U2SURP: variants seen among roughly 807,000 people sequenced by gnomAD.
U2SURP encodes the protein U2 snRNP associated SURP domain containing.
Under a neutral mutation model 144.9 loss-of-function variants are expected in U2SURP, and 9 were observed. The ratio of observed to expected loss-of-function variants is 0.06; its 90% CI spans 0.04 to 0.11. The LOEUF is 0.11. Among genes scored for constraint, U2SURP ranks in the 10% least tolerant of loss-of-function variants. The pLI is 1.00. For missense variants in U2SURP, 724 were observed against 1,226.7 expected, an observed-to-expected ratio of 0.59 and a Z score of 6.12; for synonymous variants, 408 against 396.8, an observed-to-expected ratio of 1.03 and a Z score of -0.33.
chr3:143,042,970 C>T, intron 23 of U2SURP, 147 bp from the exon 24 acceptor site: 1 of 676,256 alleles, frequency 1.5e-6, no homozygotes, highest in Non-Finnish European at 2.3e-6. Context: ...AAATATTTTG[C>T]AAAATATGCT....
intron 16 of U2SURP, 129 bp downstream of exon 16, chr3:143,028,775 A>G (rs1933306656): frequency 2.8e-6 from 2 of 721,670 alleles, no homozygotes; most frequent in Non-Finnish European, 4.4e-6. Flanking sequence ...AAATAGTAAC[A>G]TCTTTCATCA....
chr3:143,037,416 GA>G, intron 21 of U2SURP, 81 bp downstream of exon 21: 3 of 1,329,552 alleles, frequency 2.3e-6, no homozygotes, highest in South Asian at 1.4e-5. Context: ...TGCTGATATG[GA>G]AAAAGGTTAT....
intron 23 of U2SURP, among the ~76,000 whole-genome samples, chr3:143,041,831 G>A (rs1409915607): frequency 6.6e-6 from 1 of 152,008 alleles, no homozygotes; most frequent in Non-Finnish European, 1.5e-5. Flanking sequence ...AGGCAAAACA[G>A]CGTTTGTTCT....
intron 1 of U2SURP, among the ~76,000 whole-genome samples, chr3:143,009,357 A>G (rs1210132433): frequency 2.0e-5 from 3 of 152,000 alleles, no homozygotes; most frequent in African/African-American, 4.8e-5. Context: ...TAGCACTTTC[A>G]GAGGCTGAGG....
intron 2 of U2SURP, among the ~76,000 whole-genome samples, 155 bp downstream of exon 2, chr3:143,011,014 T>C (rs986359524): frequency 3.9e-5 from 6 of 152,082 alleles, no homozygotes; most frequent in African/African-American, 1.4e-4. Context: ...CTTTTTTTTT[T>C]TTATGTTCTG....
At chr3:143,055,982 G>T (rs1360606586) in intron 27 of U2SURP, among the ~76,000 whole-genome samples, 1 of 152,048 alleles carries the variant, frequency 6.6e-6, no homozygotes. Context: ...TTCAAATTTG[G>T]GGGTTATCAG....
chr3:143,051,375 T>G (rs1254471350), intron 25 of U2SURP, among the ~76,000 whole-genome samples: 1 of 151,388 alleles, frequency 6.6e-6, no homozygotes, highest in Non-Finnish European at 1.5e-5. Flanking sequence ...CCCTGAGAGG[T>G]AGTACAGAAA....
chr3:143,038,805 T>C (rs890723655), intron 22 of U2SURP, 89 bp from the exon 23 acceptor site: 4 of 961,302 alleles, frequency 4.2e-6, no homozygotes, highest in Admixed American at 7.6e-5. Flanking sequence ...ATATAAACTT[T>C]TCAATTCTAA....
chr3:143,025,746 C>T (rs1000611412), intron 13 of U2SURP: 2 of 151,968 alleles, frequency 1.3e-5, no homozygotes, highest in Admixed American at 1.3e-4. Flanking sequence ...GCATGATTTC[C>T]CCTTTGTAAA....
chr3:143,021,651 A>G, intron 10 of U2SURP, 96 bp downstream of exon 10: 1 of 1,184,474 alleles, frequency 8.4e-7, no homozygotes, highest in Non-Finnish European at 1.2e-6. Context: ...AAGCTGACAA[A>G]TCTGATGGAA....
chr3:143,021,614 T>C, intron 10 of U2SURP, 59 bp downstream of exon 10: 1 of 1,487,032 alleles, frequency 6.7e-7, no homozygotes, highest in Non-Finnish European at 9.2e-7. Flanking sequence ...AAGAAAGCTT[T>C]GTTAGTCAAA....
At position 143,037,340 on chromosome 3, in the gene U2SURP, GT is replaced by G. The variant is rs745805640; in HGVS notation, c.2221+7del. 37 of 1,610,180 alleles carry G rather than the reference GT, an allele frequency of 2.3e-5. No homozygotes were observed. The highest frequency in any genetic ancestry group is 3.1e-5 in the Non-Finnish European group (36 of 1,178,072). On this transcript the variant is annotated splice_donor_region_variant and intron_variant, in intron 21 of 27. Coordinates refer to ENST00000473835, the MANE Select transcript of U2SURP (RefSeq NM_001080415.2). ...ATGATCTTGATGGAGTGCCTTGTAA[GT>G]TCAGATTTCAAACTGATTAAATCTA...
At chr3:143,003,646 C>T (rs1258796755) in intron 1 of U2SURP, among the ~76,000 whole-genome samples, 1 of 150,252 alleles carries the variant, frequency 6.7e-6, no homozygotes, top group Non-Finnish European at 1.5e-5. Flanking sequence ...ATAATGACTG[C>T]CCAGATAGCT....
At chr3:143,053,165 G>T (rs1934974552) in intron 25 of U2SURP, among the ~76,000 whole-genome samples, 1 of 151,974 alleles carries the variant, frequency 6.6e-6, no homozygotes, top group African/African-American at 2.4e-5. Context: ...CACTTTTACT[G>T]ACTATTTTAT....
intron 6 of U2SURP, among the ~76,000 whole-genome samples, chr3:143,018,782 G>A (rs1014351966): frequency 6.6e-6 from 1 of 152,036 alleles, no homozygotes; most frequent in African/African-American, 2.4e-5. Context: ...AAAATTAGCC[G>A]GGCATGGTGG....
chr3:143,031,245 T>G (rs1044646317), intron 16 of U2SURP, among the ~76,000 whole-genome samples: 2 of 152,170 alleles, frequency 1.3e-5, no homozygotes, highest in Non-Finnish European at 2.9e-5. Flanking sequence ...GTTGATAAAG[T>G]AGTACAGGGT....
chr3:143,005,972 A>G (rs1254935565), intron 1 of U2SURP, among the ~76,000 whole-genome samples: 2 of 152,228 alleles, frequency 1.3e-5, no homozygotes, highest in Non-Finnish European at 2.9e-5. Flanking sequence ...TTTATTGCAC[A>G]TCAGCTGTGA....
At chr3:143,048,001 TACC>T (rs941009296) in intron 24 of U2SURP, among the ~76,000 whole-genome samples, 6 of 152,200 alleles carry the variant, frequency 3.9e-5, no homozygotes, top group African/African-American at 1.4e-4. Context: ...TCCCCATTTC[TACC>T]AACAAGGTTG....
At chr3:143,013,326 T>C (rs1467197862) in intron 3 of U2SURP, among the ~76,000 whole-genome samples, 1 of 152,090 alleles carries the variant, frequency 6.6e-6, no homozygotes, top group Non-Finnish European at 1.5e-5. Context: ...GAAAATTTAT[T>C]TTGAATCCTC....
Sources: gnomAD v4.1 joint callset for allele counts (sites outside exome capture counted in the v4.1 genomes callset) on GRCh38, gnomAD v4.1.1 for gene constraint, MANE v1.5 for transcripts, NCBI Gene and HGNC (gene_info 2026-07-23, HGNC 2026-07-21) for gene names.